The following MPPED2 variants were observed in gnomAD, a reference collection of about 807,000 sequenced individuals.
The protein encoded by MPPED2 is metallophosphoesterase MPPED2.
A neutral mutation model predicts 33.0 loss-of-function variants in MPPED2; 5 were observed. That is an observed-to-expected ratio of 0.15 (90% CI 0.08 to 0.32). MPPED2 has a LOEUF of 0.32. MPPED2 is among the 10% of genes least tolerant of loss of function. MPPED2 has a pLI of 1.00. For synonymous variants in MPPED2, 136 were observed against 141.9 expected, an observed-to-expected ratio of 0.96 and a Z score of 0.29; for missense variants, 275 against 372.1, an observed-to-expected ratio of 0.74 and a Z score of 2.15.
At chr11:30,448,235 G>A (rs542866948) in intron 4 of MPPED2, among the ~76,000 whole-genome samples, 10 of 152,192 alleles carry the variant, frequency 6.6e-5, no homozygotes, top group African/African-American at 1.4e-4. Context: ...CAAACCCTAC[G>A]CATGTCATGC....
rs1273636781 is a variant in MPPED2 at position 30,580,391 on chromosome 11, A to G, written c.-18T>C. ...TGTGCCATCCTTCCTCCCTATAGGCATGAGCAATTCACAACTTTACAGAGC... is the reference window on the plus strand; with the variant it reads ...TGTGCCATCCTTCCTCCCTATAGGCGTGAGCAATTCACAACTTTACAGAGC... On this transcript the variant is annotated 5_prime_UTR_variant, in exon 2 of 7. It removes an upstream start codon present in the reference 5' UTR. Coordinates refer to ENST00000358117, the MANE Select transcript of MPPED2 (RefSeq NM_001584.3). 6.2e-7 allele frequency: 1 copy of G among 1,613,652 alleles called. No homozygotes were observed. Among genetic ancestry groups the G allele is most frequent in the African/African-American group, 1.3e-5 (1 of 75,010 alleles).
At chr11:30,462,738 A>G (rs1317616449) in intron 4 of MPPED2, among the ~76,000 whole-genome samples, 2 of 152,280 alleles carry the variant, frequency 1.3e-5, no homozygotes, top group African/African-American at 2.4e-5. Context: ...TTAAATAAAA[A>G]GCCACTGTAG....
intron 2 of MPPED2, among the ~76,000 whole-genome samples, chr11:30,567,376 G>C (rs1204473020): frequency 6.6e-6 from 1 of 152,148 alleles, no homozygotes; most frequent in Non-Finnish European, 1.5e-5. Flanking sequence ...TAGGGCAAGA[G>C]TTTCATGTTT....
intron 4 of MPPED2, among the ~76,000 whole-genome samples, chr11:30,430,578 TCCCTG>T (rs1949034141): frequency 1.3e-5 from 2 of 152,200 alleles, no homozygotes; most frequent in Non-Finnish European, 2.9e-5. Flanking sequence ...GATTCAGTAA[TCCCTG>T]TCTAGAAATT....
chr11:30,429,885 G>T (rs1404210001), intron 4 of MPPED2, among the ~76,000 whole-genome samples: 1 of 152,124 alleles, frequency 6.6e-6, no homozygotes, highest in African/African-American at 2.4e-5. Flanking sequence ...ATTATAACTT[G>T]CTTGTGTGTG....
At chr11:30,496,620 T>A (rs1952265994) in intron 3 of MPPED2, among the ~76,000 whole-genome samples, 1 of 149,412 alleles carries the variant, frequency 6.7e-6, no homozygotes, top group Non-Finnish European at 1.5e-5. Flanking sequence ...GGAAATTGGA[T>A]ACACTTGTTG....
At chr11:30,540,308 G>A (rs1475921469) in intron 2 of MPPED2, among the ~76,000 whole-genome samples, 1 of 152,194 alleles carries the variant, frequency 6.6e-6, no homozygotes, top group East Asian at 1.9e-4. Flanking sequence ...TGGCTGCAGA[G>A]CCAGACTGCC....
intron 6 of MPPED2, among the ~76,000 whole-genome samples, chr11:30,397,688 A>G (rs1488221041): frequency 6.6e-6 from 1 of 152,176 alleles, no homozygotes; most frequent in African/African-American, 2.4e-5. Context: ...CTGTAAGATC[A>G]GTACACTTAT....
At chr11:30,459,550 G>T (rs146161851) in intron 4 of MPPED2, among the ~76,000 whole-genome samples, 3 of 152,200 alleles carry the variant, frequency 2.0e-5, no homozygotes, top group African/African-American at 7.2e-5. Context: ...CCATGGTAGC[G>T]CCTTGAGGTC....
intron 2 of MPPED2, among the ~76,000 whole-genome samples, chr11:30,558,883 G>A (rs988719716): frequency 3.3e-5 from 5 of 151,876 alleles, no homozygotes; most frequent in Admixed American, 6.6e-5. Context: ...CCACAAACCT[G>A]GTCCTCCTCA....
At chr11:30,512,967 C>T (rs571962655) in intron 3 of MPPED2, among the ~76,000 whole-genome samples, 6 of 151,720 alleles carry the variant, frequency 4.0e-5, no homozygotes, top group Non-Finnish European at 8.8e-5. Flanking sequence ...CCACTGCACT[C>T]TACTGTGCTC....
intron 2 of MPPED2, among the ~76,000 whole-genome samples, chr11:30,538,337 C>T (rs911097042): frequency 6.6e-6 from 1 of 152,152 alleles, no homozygotes; most frequent in African/African-American, 2.4e-5. Flanking sequence ...GCTTATCAGA[C>T]AGACATCATT....
At chr11:30,544,454 A>G (rs113653347) in intron 2 of MPPED2, among the ~76,000 whole-genome samples, 2,152 of 152,328 alleles carry the variant, frequency 0.014, 42 homozygotes, top group African/African-American at 0.048. Flanking sequence ...TGTACCAGGT[A>G]CCCTGGTATG....
chr11:30,553,191 C>A (rs1955798524), intron 2 of MPPED2, among the ~76,000 whole-genome samples: 1 of 152,106 alleles, frequency 6.6e-6, no homozygotes, highest in Admixed American at 6.6e-5. Context: ...ACACCATTTG[C>A]CATGAACTGC....
intron 4 of MPPED2, among the ~76,000 whole-genome samples, chr11:30,474,025 C>T: frequency 6.6e-6 from 1 of 152,214 alleles, no homozygotes; most frequent in Non-Finnish European, 1.5e-5. Flanking sequence ...AGCTAAGCTG[C>T]ACCTTGGTTC....
chr11:30,578,213 A>T (rs1158357410), intron 2 of MPPED2, among the ~76,000 whole-genome samples: 1 of 152,212 alleles, frequency 6.6e-6, no homozygotes, highest in African/African-American at 2.4e-5. Context: ...TGTAAGAAAC[A>T]GTGATGGCAA....
chr11:30,577,084 C>T (rs559779149), intron 2 of MPPED2, among the ~76,000 whole-genome samples: 14 of 152,268 alleles, frequency 9.2e-5, no homozygotes, highest in Non-Finnish European at 2.1e-4. Context: ...TTAATAGCAT[C>T]GCCTTGCAAA....
intron 4 of MPPED2, among the ~76,000 whole-genome samples, chr11:30,488,951 GA>G (rs1803623973): frequency 6.6e-6 from 1 of 152,042 alleles, no homozygotes; most frequent in African/African-American, 2.4e-5. Flanking sequence ...ACGTCGTACA[GA>G]ACCAATATTG....
In MPPED2 at chr11:30,410,471, G is replaced by A. The variant is rs1042937049; in HGVS notation, c.*997C>T. 5.1e-6 allele frequency: 5 copies of A among 985,638 alleles called. No homozygotes were observed. The African/African-American group carries it at 8.7e-5, about 17-fold the overall frequency. The allele number at this position is 985,638 out of a possible 1,614,324, so 61.1% of individuals were successfully genotyped here. On this transcript the variant is annotated 3_prime_UTR_variant, in exon 7 of 7. Coordinates refer to ENST00000358117, the MANE Select transcript of MPPED2 (RefSeq NM_001584.3). ...AGAGGAAGTAAGAAGACAACTTGGG[G>A]TATTTAAATAGAAAGGACAACTAAG...
Sources: gnomAD v4.1 joint callset for allele counts (sites outside exome capture counted in the v4.1 genomes callset) on GRCh38, gnomAD v4.1.1 for gene constraint, MANE v1.5 for transcripts, NCBI Gene and HGNC (gene_info 2026-07-23, HGNC 2026-07-21) for gene names.